ATM: variants seen among roughly 807,000 people sequenced by gnomAD.
ATM encodes the protein serine-protein kinase ATM.
Under a neutral mutation model 387.0 loss-of-function variants are expected in ATM, and 308 were observed. The observed-to-expected ratio is 0.80, with a 90% CI of 0.73 to 0.87. ATM has a LOEUF of 0.87. Among genes scored for constraint, ATM ranks in the 40% least tolerant of loss-of-function variants. The probability of loss-of-function intolerance (pLI) is 0.00; values close to 1 mark genes in which losing one functional copy is unlikely to be tolerated. For synonymous variants in ATM, 1,156 were observed against 1,187.3 expected (o/e 0.97, Z 0.54); for missense variants, 3,312 against 3,560.9 (o/e 0.93, Z 1.78).
intron 5 of ATM, among the ~76,000 whole-genome samples, chr11:108,239,199 G>C (rs1213698152): frequency 6.6e-6 from 1 of 152,164 alleles, no homozygotes; most frequent in Non-Finnish European, 1.5e-5. Context: ...CTAACTTGCT[G>C]TCTTTCTGCC....
chr11:108,277,911 C>G (rs1460778127), intron 22 of ATM, among the ~76,000 whole-genome samples: 1 of 152,086 alleles, frequency 6.6e-6, no homozygotes, highest in Non-Finnish European at 1.5e-5. Context: ...TCTCCGTATT[C>G]CACTAGTATA....
Position 108,251,851 on chromosome 11 carries a change from GT to G in ATM, c.1625del (p.Leu542Ter), listed in dbSNP as rs2080164484. The G allele has an allele frequency of 6.2e-7, 1 of 1,613,668 alleles. No homozygotes were observed. The highest frequency in any genetic ancestry group is 1.3e-5 in the African/African-American group (1 of 74,900). On this transcript the variant is annotated frameshift_variant, in exon 11 of 63. Coordinates refer to ENST00000675843, the MANE Select transcript of ATM (RefSeq NM_000051.4). LOFTEE classifies it high-confidence loss of function. ...ACRPSCPAVC[C>X]LTLALTTSIV... ...TTTTGTTATAGTCCTGCAGTATGCT[GT>G]TTGACTTTGGCACTGACCACCAGTA...
chr11:108,248,865 G>T (rs2135287788), intron 8 of ATM, 68 bp from the exon 9 acceptor site: 1 of 1,378,076 alleles, frequency 7.3e-7, no homozygotes. Context: ...TCCAACCTGG[G>T]CAACAACAGC....
Position 108,289,804 on chromosome 11 carries a change from A to G in ATM, c.4436+3A>G, listed in dbSNP as rs2082686950. The G allele has an allele frequency of 6.2e-7, 1 of 1,610,926 alleles. No individual in the cohort carries two copies. Among genetic ancestry groups the G allele is most frequent in the Admixed American group, 1.7e-5 (1 of 59,892 alleles). ...TTGATTCACTATATCAACCAAAGGT[A>G]AATAACATATTTAGACCAATATATA... On this transcript the variant is annotated splice_donor_region_variant and intron_variant, in intron 29 of 62. Transcript: ENST00000675843.
In ATM at chr11:108,365,165, T is replaced by C. The variant is rs1057521029; in HGVS notation, c.8934T>C (p.Thr2978=). The C allele has an allele frequency of 6.2e-7, 1 of 1,614,256 alleles. No homozygotes were observed. Among genetic ancestry groups the C allele is most frequent in the African/African-American group, 1.3e-5 (1 of 75,068 alleles). Residue 2978 remains threonine (T), a synonymous_variant, in exon 62 of 63, where the codon ACT becomes ACC. Coordinates refer to ENST00000675843, the MANE Select transcript of ATM (RefSeq NM_000051.4). ...LYLQQRPEDE[T]ELHPTLNADD... is the part of the protein sequence containing the mutation. ...TACAGCAGAGGCCGGAAGATGAAAC[T>C]GAGCTTCACCCTACTCTGAATGCAG...
In ATM at chr11:108,282,852, A is replaced by G. The variant is rs1555092536; in HGVS notation, c.3719A>G (p.Asn1240Ser). The change falls in exon 25 of 63, where the codon AAC becomes AGC. Residue 1240 changes from asparagine (N) to serine (S), a missense_variant. This residue lies in a region of ATM where 1,791 missense variants were observed against 1,804.5 expected (regional missense o/e 0.99). Transcript: ENST00000675843. ...TCTTCTTTTCCTTTTATTTTATTAAACTACACAAATATTGAGGATTTCTAT... is the reference window on the plus strand; with the variant it reads ...TCTTCTTTTCCTTTTATTTTATTAAGCTACACAAATATTGAGGATTTCTAT... ...NLSSFPFILL[N>S]YTNIEDFYRS... is the part of the protein sequence containing the mutation. The G allele has an allele frequency of 6.6e-7, 1 of 1,518,298 alleles. No homozygotes were observed. The highest frequency in any genetic ancestry group is 9.1e-7 in the Non-Finnish European group (1 of 1,096,508). The allele number at this position is 1,518,298 out of a possible 1,614,324, so 94.1% of individuals were successfully genotyped here.
At chr11:108,323,813 T>C (rs557446552) in intron 45 of ATM, among the ~76,000 whole-genome samples, 78 of 152,326 alleles carry the variant, frequency 5.1e-4, no homozygotes, top group African/African-American at 1.8e-3. Context: ...CAAATGCTTA[T>C]GCTCTCAGAT....
At chr11:108,300,262 C>T (rs1243138725) in intron 34 of ATM, among the ~76,000 whole-genome samples, 1 of 152,122 alleles carries the variant, frequency 6.6e-6, no homozygotes, top group African/African-American at 2.4e-5. Flanking sequence ...TTATTTTGAT[C>T]CTTTTAAAAT....
intron 55 of ATM, 65 bp from the exon 56 acceptor site, chr11:108,335,780 G>T: frequency 7.5e-7 from 1 of 1,340,080 alleles, no homozygotes; most frequent in Non-Finnish European, 1.1e-6. Context: ...GCTATTCTCA[G>T]ATGACTCTGT....
intron 39 of ATM, 98 bp from the exon 40 acceptor site, chr11:108,312,313 C>T (rs1565493191): frequency 4.5e-6 from 4 of 880,730 alleles, no homozygotes; most frequent in Non-Finnish European, 7.6e-6. Context: ...TTGTTTGCCA[C>T]CTTCATTAGT....
At chr11:108,245,439 A>G (rs1218757076) in intron 7 of ATM, among the ~76,000 whole-genome samples, 1 of 152,326 alleles carries the variant, frequency 6.6e-6, no homozygotes, top group East Asian at 1.9e-4. Flanking sequence ...CAGTCAGATT[A>G]TTCAGCTCCT....
intron 40 of ATM, among the ~76,000 whole-genome samples, chr11:108,315,606 G>GA (rs1341678353): frequency 6.6e-6 from 1 of 150,394 alleles, no homozygotes; most frequent in Non-Finnish European, 1.5e-5. Context: ...TATATTTATT[G>GA]AAAAAAAAAT....
chr11:108,257,424 G>A (rs961188705), intron 14 of ATM, 57 bp from the exon 15 acceptor site: 3 of 1,589,396 alleles, frequency 1.9e-6, no homozygotes, highest in South Asian at 1.1e-5. Context: ...ACTGTAAAAA[G>A]CAATACTAAA....
chr11:108,355,282 T>C, intron 61 of ATM: 1 of 234,434 alleles, frequency 4.3e-6, no homozygotes, highest in South Asian at 5.8e-5. Context: ...ATTGTCAGCA[T>C]CATTACTAGA....
Position 108,353,891 on chromosome 11 carries a change from T to A in ATM, c.8786+11T>A, listed in dbSNP as rs368627124. The A allele has an allele frequency of 6.2e-7, 1 of 1,602,386 alleles. No individual in the cohort carries two copies. Among genetic ancestry groups the A allele is most frequent in the Non-Finnish European group, 8.6e-7 (1 of 1,169,518 alleles). On this transcript the variant is annotated intron_variant, in intron 60 of 62. Transcript: ENST00000675843. ...AGGTGTCTTCAGAAGGTAAGTGATA[T>A]GAAGTAAAGGAGGGAAATAATTTTT...
chr11:108,337,770 T>C (rs906889019), intron 56 of ATM, among the ~76,000 whole-genome samples: 16 of 152,362 alleles, frequency 1.1e-4, no homozygotes, highest in South Asian at 2.1e-4. Flanking sequence ...AAGGAAATTG[T>C]TTATGCTCTA....
intron 60 of ATM, among the ~76,000 whole-genome samples, chr11:108,354,159 T>C (rs2089595198): frequency 6.6e-6 from 1 of 151,750 alleles, no homozygotes; most frequent in African/African-American, 2.4e-5. Flanking sequence ...CGTATTCCAG[T>C]GCCTTATCAA....
chr11:108,325,571 C>T (rs776656803), intron 46 of ATM, 27 bp downstream of exon 46: 3 of 1,539,020 alleles, frequency 1.9e-6, no homozygotes, highest in African/African-American at 2.7e-5. Flanking sequence ...ACTATGTCAT[C>T]TTACCTCTTG....
chr11:108,360,102 G>T (rs2090528863), intron 61 of ATM, among the ~76,000 whole-genome samples: 1 of 151,364 alleles, frequency 6.6e-6, no homozygotes, highest in South Asian at 2.1e-4. Flanking sequence ...AATAAAAAAT[G>T]ATAAAGGGGA....
Sources: gnomAD v4.1 joint callset for allele counts (sites outside exome capture counted in the v4.1 genomes callset) on GRCh38, gnomAD v4.1.1 for gene constraint, gnomAD v4.1.1 regional missense constraint, MANE v1.5 for transcripts, NCBI Gene and HGNC (gene_info 2026-07-23, HGNC 2026-07-21) for gene names.